The following RALGPS1 variants were observed in gnomAD, a reference collection of about 807,000 sequenced individuals.
RALGPS1 encodes the protein ras-specific guanine nucleotide-releasing factor RalGPS1.
Under a neutral mutation model 78.8 loss-of-function variants are expected in RALGPS1, and 19 were observed. The ratio of observed to expected loss-of-function variants is 0.24; its 90% CI spans 0.17 to 0.35. The LOEUF (loss-of-function observed/expected upper bound fraction) is 0.35. Ranked by LOEUF, RALGPS1 falls within the 10% of genes least tolerant of loss-of-function variation. The pLI, the probability that RALGPS1 is intolerant of heterozygous loss-of-function variation, is 1.00. For missense variants in RALGPS1, 454 were observed against 688.3 expected (o/e 0.66, Z 3.81); for synonymous variants, 228 against 256.3 (o/e 0.89, Z 1.06).
At chr9:127,006,551 T>C (rs1438309474) in intron 4 of RALGPS1, among the ~76,000 whole-genome samples, 1 of 152,224 alleles carries the variant, frequency 6.6e-6, no homozygotes, top group African/African-American at 2.4e-5. Flanking sequence ...ATAATGATAA[T>C]CATTATAACT....
At chr9:127,030,956 G>C (rs372414833) in intron 4 of RALGPS1, among the ~76,000 whole-genome samples, 1 of 152,194 alleles carries the variant, frequency 6.6e-6, no homozygotes, top group Admixed American at 6.5e-5. Flanking sequence ...GCAGCACCTG[G>C]TAAAGGACTG....
At chr9:127,192,524 C>T (rs963864064) in intron 11 of RALGPS1, among the ~76,000 whole-genome samples, 3 of 152,192 alleles carry the variant, frequency 2.0e-5, no homozygotes, top group Admixed American at 6.5e-5. Flanking sequence ...GTGGCACCCT[C>T]CTGTGATCCC....
At position 126,993,192 on chromosome 9, in the gene RALGPS1, A is replaced by G. The variant is rs139986017; in HGVS notation, c.216+15447A>G. ...GAATTACATTGATCGATTTTTGACT[A>G]TTAAACCAACCTTGTATTGCTGTGG... On this transcript the variant is annotated intron_variant, in intron 4 of 18. Coordinates refer to ENST00000259351, the MANE Select transcript of RALGPS1 (RefSeq NM_014636.3). Among the ~76,000 whole-genome samples, 124 of 152,338 alleles carry G rather than the reference A, an allele frequency of 8.1e-4. No individual in the cohort carries two copies. In the East Asian group the frequency reaches 0.021, roughly 26 times the overall value.
intron 8 of RALGPS1, among the ~76,000 whole-genome samples, chr9:127,119,708 C>T (rs772488172): frequency 5.9e-5 from 9 of 152,162 alleles, no homozygotes; most frequent in Non-Finnish European, 1.2e-4. Flanking sequence ...TTGCTCTGCC[C>T]GTGAGCTTCA....
chr9:126,933,480 C>G (rs979165507), intron 1 of RALGPS1, among the ~76,000 whole-genome samples: 7 of 152,162 alleles, frequency 4.6e-5, no homozygotes, highest in Admixed American at 4.6e-4. Context: ...AAGGGAGCGG[C>G]AGAGACTGAG....
chr9:127,006,399 A>G (rs1443596130), intron 4 of RALGPS1, among the ~76,000 whole-genome samples: 3 of 152,232 alleles, frequency 2.0e-5, no homozygotes. Context: ...ACTCTTGTCA[A>G]TAGGCTTTGG....
At chr9:127,136,616 C>A (rs1224294534) in intron 8 of RALGPS1, among the ~76,000 whole-genome samples, 1 of 152,146 alleles carries the variant, frequency 6.6e-6, no homozygotes, top group East Asian at 1.9e-4. Context: ...CATCAGGATA[C>A]AGTGAGCAGA....
intron 8 of RALGPS1, among the ~76,000 whole-genome samples, chr9:127,076,481 T>C (rs1340473185): frequency 6.6e-6 from 1 of 152,248 alleles, no homozygotes; most frequent in Non-Finnish European, 1.5e-5. Context: ...AGTAAATTTC[T>C]AGAACGTAAG....
At chr9:127,144,258 C>T (rs1246980111) in intron 8 of RALGPS1, among the ~76,000 whole-genome samples, 1 of 152,206 alleles carries the variant, frequency 6.6e-6, no homozygotes, top group Non-Finnish European at 1.5e-5. Context: ...AGCATTAGCT[C>T]CTGGACCCGT....
intron 8 of RALGPS1, among the ~76,000 whole-genome samples, chr9:127,128,658 G>A (rs748712377): frequency 3.3e-5 from 5 of 152,224 alleles, no homozygotes; most frequent in Admixed American, 6.5e-5. Flanking sequence ...ACTAGACTGA[G>A]TGTGAGCCAG....
At chr9:126,977,549 A>G (rs932457609) in intron 3 of RALGPS1, 146 bp from the exon 4 acceptor site, 5 of 443,196 alleles carry the variant, frequency 1.1e-5, no homozygotes, top group African/African-American at 1.0e-4. Flanking sequence ...TCAGAAATGT[A>G]TCCAATTTTT....
At chr9:127,072,331 G>C (rs760754850) in intron 8 of RALGPS1, among the ~76,000 whole-genome samples, 2 of 152,140 alleles carry the variant, frequency 1.3e-5, no homozygotes, top group African/African-American at 2.4e-5. Flanking sequence ...TCCCGCCTCA[G>C]CCTCCCAAGT....
chr9:127,089,987 G>T (rs1425355212), intron 8 of RALGPS1, among the ~76,000 whole-genome samples: 2 of 152,230 alleles, frequency 1.3e-5, no homozygotes, highest in Non-Finnish European at 2.9e-5. Context: ...AACAGAGCAG[G>T]TGGCCGAGGC....
intron 4 of RALGPS1, among the ~76,000 whole-genome samples, chr9:127,018,548 G>A (rs1419949497): frequency 2.0e-5 from 3 of 151,838 alleles, no homozygotes; most frequent in East Asian, 1.9e-4. Flanking sequence ...CACAAGAATC[G>A]CTTGAACCTG....
rs2057501783 is a variant in RALGPS1 at position 127,137,785 on chromosome 9, C to G, written c.611-28284C>G. On this transcript the variant is annotated intron_variant, in intron 8 of 18. Transcript: ENST00000259351. ...GGTGTGGGCTCTGACCCTGCTGGAC[C>G]TGCAGCCTGGTGGGGGCATGTGTTG... 2.6e-5 allele frequency among the ~76,000 whole-genome samples: 4 copies of G among 152,212 alleles called. No homozygotes were observed. In the South Asian group the frequency reaches 6.2e-4, roughly 24 times the overall value.
intron 4 of RALGPS1, among the ~76,000 whole-genome samples, chr9:126,996,140 A>G (rs2042728353): frequency 6.6e-6 from 1 of 152,210 alleles, no homozygotes; most frequent in South Asian, 2.1e-4. Flanking sequence ...GCAAGAGCAA[A>G]CACATTCAAA....
intron 1 of RALGPS1, among the ~76,000 whole-genome samples, chr9:126,957,178 C>A (rs2038424974): frequency 6.6e-6 from 1 of 152,212 alleles, no homozygotes; most frequent in African/African-American, 2.4e-5. Context: ...TGGAGCGGAG[C>A]CACCCAGTGA....
intron 4 of RALGPS1, among the ~76,000 whole-genome samples, chr9:127,010,407 G>T (rs1462472635): frequency 6.6e-6 from 1 of 152,162 alleles, no homozygotes; most frequent in Non-Finnish European, 1.5e-5. Flanking sequence ...TTGCCTGGAG[G>T]GTTCAGATTC....
intron 2 of RALGPS1, 116 bp from the exon 3 acceptor site, chr9:126,965,728 C>G: frequency 2.7e-6 from 2 of 727,600 alleles, no homozygotes; most frequent in Non-Finnish European, 2.3e-6. Flanking sequence ...TCAATAGAAG[C>G]CATTTTTTAT....
Sources: allele counts gnomAD v4.1 joint callset (sites outside exome capture counted in the v4.1 genomes callset), GRCh38; gene constraint gnomAD v4.1.1; transcripts MANE v1.5; gene names NCBI Gene and HGNC (gene_info 2026-07-23, HGNC 2026-07-21).